CCDC192: variants seen among roughly 807,000 people sequenced by gnomAD.
CCDC192 encodes coiled-coil domain containing 192, also known as coiled-coil domain-containing protein 192.
At chr5:127,921,299 G>A (rs1168556048) in intron 6 of CCDC192, among the ~76,000 whole-genome samples, 1 of 151,930 alleles carries the variant, frequency 6.6e-6, no homozygotes, top group Non-Finnish European at 1.5e-5. Flanking sequence ...AGACTGACAA[G>A]GTAGTTAAGT....
chr5:127,853,679 A>C (rs534766202), intron 5 of CCDC192, among the ~76,000 whole-genome samples: 76 of 152,212 alleles, frequency 5.0e-4, no homozygotes, highest in Non-Finnish European at 9.7e-4. Context: ...AGGTTGAGGC[A>C]GAAGAATTGC....
rs114729196 is a variant in CCDC192 at position 127,917,364 on chromosome 5, C to T, written c.536-23818C>T. Among the ~76,000 whole-genome samples the T allele has an allele frequency of 8.5e-3, 1,295 of 152,292 alleles. 25 individuals are homozygous for T. Among genetic ancestry groups the T allele is most frequent in the African/African-American group, 0.03 (1,239 of 41,570 alleles). Reference sequence around the variant, plus strand: ...TTCACTGAATAGCACTTTCATTTCCCTTCAAGAACTTTTCTTTGCATTCAC... The same window carrying T: ...TTCACTGAATAGCACTTTCATTTCCTTTCAAGAACTTTTCTTTGCATTCAC... On this transcript the variant is annotated intron_variant, in intron 6 of 6. Transcript: ENST00000514853.
chr5:127,927,578 C>A (rs1024148818), intron 6 of CCDC192, among the ~76,000 whole-genome samples: 1 of 152,170 alleles, frequency 6.6e-6, no homozygotes, highest in Non-Finnish European at 1.5e-5. Context: ...ATTTTATTTC[C>A]TATTTAAAAT....
intron 6 of CCDC192, among the ~76,000 whole-genome samples, chr5:127,880,526 G>A (rs1170539043): frequency 6.0e-5 from 9 of 150,366 alleles, no homozygotes; most frequent in Non-Finnish European, 1.2e-4. Context: ...TGGGTGCAGC[G>A]CACCAGCATG....
chr5:127,819,467 C>A (rs1052794640), intron 5 of CCDC192, among the ~76,000 whole-genome samples: 2 of 151,702 alleles, frequency 1.3e-5, no homozygotes, highest in Non-Finnish European at 2.9e-5. Context: ...GGGAGGTTGC[C>A]TTTATCTGGC....
chr5:127,740,372 T>A (rs1050918361), intron 2 of CCDC192: 20 of 152,330 alleles, frequency 1.3e-4, no homozygotes, highest in African/African-American at 4.8e-4. Flanking sequence ...TAGAATGTAC[T>A]ATGGAAATTG....
intron 5 of CCDC192, among the ~76,000 whole-genome samples, chr5:127,837,561 A>AGC (rs1750078894): frequency 1.3e-5 from 2 of 149,886 alleles, no homozygotes; most frequent in Non-Finnish European, 1.5e-5. Flanking sequence ...TAGTGGGGAC[A>AGC]AAAAGCCTAA....
chr5:127,807,804 A>G (rs1184946954), intron 5 of CCDC192, among the ~76,000 whole-genome samples: 11 of 152,148 alleles, frequency 7.2e-5, no homozygotes, highest in African/African-American at 4.8e-5. Context: ...AAGCAGGACT[A>G]TCTAAATATA....
At chr5:127,730,994 T>C (rs1752609772) in intron 2 of CCDC192, among the ~76,000 whole-genome samples, 1 of 152,070 alleles carries the variant, frequency 6.6e-6, no homozygotes, top group South Asian at 2.1e-4. Context: ...CTATTCAACA[T>C]AGTATTGGAA....
At chr5:127,927,981 G>C (rs1332613887) in intron 6 of CCDC192, among the ~76,000 whole-genome samples, 1 of 133,990 alleles carries the variant, frequency 7.5e-6, no homozygotes. Context: ...CACTCTGAGT[G>C]AAGTGGCCCA....
At chr5:127,930,207 T>TAAAC (rs1753982494) in intron 6 of CCDC192, among the ~76,000 whole-genome samples, 1 of 148,970 alleles carries the variant, frequency 6.7e-6, no homozygotes, top group Non-Finnish European at 1.5e-5. Flanking sequence ...TCTTCTCAAA[T>TAAAC]TAAACTAAAC....
At chr5:127,726,300 G>A (rs1238574916) in intron 2 of CCDC192, among the ~76,000 whole-genome samples, 1 of 152,150 alleles carries the variant, frequency 6.6e-6, no homozygotes, top group Non-Finnish European at 1.5e-5. Context: ...GAACTCCTAT[G>A]GTATATGGGG....
At chr5:127,765,946 AG>A (rs1755199621) in intron 3 of CCDC192, among the ~76,000 whole-genome samples, 2 of 152,090 alleles carry the variant, frequency 1.3e-5, no homozygotes, top group African/African-American at 4.8e-5. Flanking sequence ...AAGCTCCCTG[AG>A]TCTGTTTGGT....
intron 2 of CCDC192, among the ~76,000 whole-genome samples, chr5:127,746,967 C>T (rs1753787557): frequency 6.6e-6 from 1 of 151,820 alleles, no homozygotes. Flanking sequence ...TCTATTGTAT[C>T]ATCAGGAAAT....
chr5:127,929,909 A>C (rs191936608), intron 6 of CCDC192, among the ~76,000 whole-genome samples: 1 of 152,302 alleles, frequency 6.6e-6, no homozygotes, highest in African/African-American at 2.4e-5. Flanking sequence ...ATGCAGTCCA[A>C]AAGATGGAAA....
intron 6 of CCDC192, among the ~76,000 whole-genome samples, chr5:127,893,503 T>C (rs245167): frequency 0.7 from 106,371 of 152,000 alleles, 37,422 homozygotes; most frequent in African/African-American, 0.78. Flanking sequence ...TTTAGAGATC[T>C]CCAGTCCGTA....
chr5:127,911,661 A>G (rs1435454554), intron 6 of CCDC192, among the ~76,000 whole-genome samples: 2 of 151,858 alleles, frequency 1.3e-5, no homozygotes, highest in Admixed American at 6.6e-5. Flanking sequence ...AGGGAGTGAC[A>G]GATAATACAA....
intron 5 of CCDC192, among the ~76,000 whole-genome samples, chr5:127,814,383 T>C (rs999066306): frequency 9.9e-5 from 15 of 152,156 alleles, no homozygotes; most frequent in African/African-American, 3.6e-4. Flanking sequence ...CTTTCCCGCA[T>C]AAAACACACT....
At chr5:127,704,467 C>A (rs1445892816) in intron 1 of CCDC192, among the ~76,000 whole-genome samples, 3 of 152,188 alleles carry the variant, frequency 2.0e-5, no homozygotes, top group Non-Finnish European at 4.4e-5. Flanking sequence ...GGATTATAGG[C>A]ATGAGCCACC....
Sources: gnomAD v4.1 joint callset for allele counts (sites outside exome capture counted in the v4.1 genomes callset) on GRCh38, gnomAD v4.1.1 for gene constraint, MANE v1.5 for transcripts, NCBI Gene and HGNC (gene_info 2026-07-23, HGNC 2026-07-21) for gene names.